RAB40C: variants seen among roughly 807,000 people sequenced by gnomAD.
The protein encoded by RAB40C is ras-related protein Rab-40C.
A neutral mutation model predicts 28.1 loss-of-function variants in RAB40C; 8 were observed. The observed-to-expected ratio is 0.28, with a 90% CI of 0.17 to 0.51. RAB40C has a LOEUF of 0.51. Ranked by LOEUF, RAB40C falls within the 20% of genes least tolerant of loss-of-function variation. RAB40C has a pLI of 0.97. For missense variants in RAB40C, 288 were observed against 405.9 expected (o/e 0.71, Z 2.50); for synonymous variants, 201 against 171.7 (o/e 1.17, Z -1.34).
At chr16:619,442 C>T (rs1441877093) in intron 3 of RAB40C, among the ~76,000 whole-genome samples, 2 of 152,194 alleles carry the variant, frequency 1.3e-5, no homozygotes, top group South Asian at 4.1e-4. Context: ...CTCCTCTGGG[C>T]CCCCAAGCAC....
At chr16:596,435 C>A in intron 1 of RAB40C, 1 of 424,934 alleles carries the variant, frequency 2.4e-6, no homozygotes, top group Non-Finnish European at 4.8e-6. Context: ...GAGTCCTCCC[C>A]TGCGCAGCAC....
At chr16:619,239 G>C (rs1176115236) in intron 3 of RAB40C, among the ~76,000 whole-genome samples, 29 of 148,754 alleles carry the variant, frequency 1.9e-4, no homozygotes, top group Admixed American at 1.5e-3. Context: ...GTCTGGCGGG[G>C]GCACTGGGGC....
At chr16:589,648 G>A (rs1183417673), upstream of RAB40C, 1 of 152,398 alleles carries the variant, frequency 6.6e-6, no homozygotes, top group African/African-American at 2.4e-5. Flanking sequence ...TGGGCCGGGG[G>A]CGGGGCGGCC....
intron 1 of RAB40C, among the ~76,000 whole-genome samples, chr16:595,355 C>A (rs1219080788): frequency 6.6e-6 from 1 of 152,136 alleles, no homozygotes; most frequent in African/African-American, 2.4e-5. Flanking sequence ...GCTTGGGGTC[C>A]GGGAGGAGCC....
chr16:600,373 T>C lies in RAB40C; in HGVS notation c.142+9940T>C, dbSNP rs566787162. 1.5e-3 allele frequency among the ~76,000 whole-genome samples: 228 copies of C among 152,230 alleles called. 2 individuals are homozygous for C. The highest frequency in any genetic ancestry group is 2.9e-3 in the Non-Finnish European group (197 of 68,050). The stretch of plus-strand genomic sequence containing the variant: ...AAAATAGTAGTCATAATAATAGTAA[T>C]AGTAGCAAGTGCAAAGTGTAAGTAA... On this transcript the variant is annotated intron_variant, in intron 1 of 5. Transcript: ENST00000248139.
At position 610,297 on chromosome 16, in the gene RAB40C, C is replaced by T. The variant is rs1361235006; in HGVS notation, c.143-6911C>T. Among the ~76,000 whole-genome samples the T allele has an allele frequency of 1.3e-5, 2 of 152,078 alleles. No homozygotes were observed. The highest frequency in any genetic ancestry group is 2.9e-5 in the Non-Finnish European group (2 of 68,008). Reference sequence around the variant, plus strand: ...GCCGTGTGTCTCATGGGGTTGTGTTCAGGTCGGCTGAGAGGCAGCGCCTGG... The same window carrying T: ...GCCGTGTGTCTCATGGGGTTGTGTTTAGGTCGGCTGAGAGGCAGCGCCTGG... On this transcript the variant is annotated intron_variant, in intron 1 of 5. Coordinates refer to ENST00000248139, the MANE Select transcript of RAB40C (RefSeq NM_021168.5). The surrounding 1 kb of genome is among the most constrained non-coding windows in gnomAD (Gnocchi z 4.6).
At chr16:625,721 C>G (rs2036815845) in intron 4 of RAB40C, 178 bp from the exon 5 acceptor site, 1 of 833,134 alleles carries the variant, frequency 1.2e-6, no homozygotes, top group African/African-American at 1.7e-5. Flanking sequence ...ACGGGGCCAC[C>G]CGGAAGGGCT....
intron 3 of RAB40C, among the ~76,000 whole-genome samples, chr16:623,272 C>T (rs1449353328): frequency 6.6e-6 from 1 of 152,232 alleles, no homozygotes; most frequent in African/African-American, 2.4e-5. Flanking sequence ...AAAAGTTACC[C>T]CTCTCCAGCC....
chr16:603,727 G>A (rs1186435334), intron 1 of RAB40C, among the ~76,000 whole-genome samples: 1 of 152,050 alleles, frequency 6.6e-6, no homozygotes, highest in Non-Finnish European at 1.5e-5. Flanking sequence ...TCCAAATCAG[G>A]AGCACATCCA....
rs755634782 is a variant in RAB40C, at chr16:627,379, C to G, written c.603C>G (p.Val201=). The change falls in exon 6 of 6, where the codon GTC becomes GTG. Residue 201 remains valine (V), a synonymous_variant. Coordinates refer to ENST00000248139, the MANE Select transcript of RAB40C (RefSeq NM_021168.5). ...SLQDLCCRAI[V]SCTPVHLIDK... ...AGGACCTCTGCTGCCGGGCCATCGT[C>G]TCCTGCACCCCCGTGCACCTCATCG... is the stretch of plus-strand genomic sequence containing the variant. 2 of 1,613,886 alleles carry G rather than the reference C, an allele frequency of 1.2e-6. No individual in the cohort carries two copies.
chr16:602,063 T>A (rs1438793674), intron 1 of RAB40C, among the ~76,000 whole-genome samples: 2 of 152,004 alleles, frequency 1.3e-5, no homozygotes, highest in African/African-American at 4.8e-5. Flanking sequence ...GAGGCAGAGG[T>A]TGCAGTGAGC....
intron 1 of RAB40C, among the ~76,000 whole-genome samples, chr16:608,117 T>C (rs2036402196): frequency 6.6e-6 from 1 of 152,192 alleles, no homozygotes; most frequent in African/African-American, 2.4e-5. Flanking sequence ...AGAGGTTTAA[T>C]TGACTCACAG....
At chr16:618,105 C>G in intron 2 of RAB40C, 95 bp from the exon 3 acceptor site, 3 of 1,238,412 alleles carry the variant, frequency 2.4e-6, no homozygotes, top group Non-Finnish European at 2.3e-6. Flanking sequence ...GCCCCGCTCC[C>G]CTCAGGACAT....
intron 1 of RAB40C, among the ~76,000 whole-genome samples, chr16:592,663 A>G (rs1205847490): frequency 6.6e-6 from 1 of 152,208 alleles, no homozygotes; most frequent in Non-Finnish European, 1.5e-5. Flanking sequence ...GGCGCTGCGC[A>G]CTCCCAGGAG....
chr16:593,896 G>A (rs1344681512), intron 1 of RAB40C, among the ~76,000 whole-genome samples: 6 of 152,206 alleles, frequency 3.9e-5, no homozygotes, highest in Non-Finnish European at 4.4e-5. Flanking sequence ...GGGTGATGGT[G>A]GCGAGTTACC....
At chr16:597,732 G>A (rs1050531136) in intron 1 of RAB40C, among the ~76,000 whole-genome samples, 3 of 151,334 alleles carry the variant, frequency 2.0e-5, no homozygotes, top group African/African-American at 4.8e-5. Context: ...CAAGCAATCC[G>A]CCCGCCTCAG....
intron 3 of RAB40C, chr16:624,258 TC>T: frequency 1.0e-6 from 1 of 985,342 alleles, no homozygotes; most frequent in Non-Finnish European, 1.2e-6. Flanking sequence ...GGTGGCCCAC[TC>T]CCCAGTCTCT....
At chr16:627,119 C>T (rs912496639) in intron 5 of RAB40C, among the ~76,000 whole-genome samples, 1 of 152,218 alleles carries the variant, frequency 6.6e-6, no homozygotes, top group Non-Finnish European at 1.5e-5. Flanking sequence ...GCAGCACCGC[C>T]CAGCGTGCCT....
At chr16:602,623 A>C (rs4984901) in intron 1 of RAB40C, among the ~76,000 whole-genome samples, 2 of 151,590 alleles carry the variant, frequency 1.3e-5, no homozygotes, top group South Asian at 4.2e-4. Flanking sequence ...AGTAGAGATG[A>C]GGTTTCACCA....
Sources: gnomAD v4.1 joint callset for allele counts (sites outside exome capture counted in the v4.1 genomes callset) on GRCh38, gnomAD v4.1.1 for gene constraint, Gnocchi (gnomAD v3.1) non-coding constraint, MANE v1.5 for transcripts, NCBI Gene and HGNC (gene_info 2026-07-23, HGNC 2026-07-21) for gene names.